FSTL5: variants seen among roughly 807,000 people sequenced by gnomAD.
FSTL5 encodes the protein follistatin like 5, also known as follistatin-related protein 5.
Under a neutral mutation model 89.1 loss-of-function variants are expected in FSTL5, and 62 were observed. The ratio of observed to expected loss-of-function variants is 0.70; its 90% CI spans 0.57 to 0.86. The LOEUF (loss-of-function observed/expected upper bound fraction) is 0.86. FSTL5 is among the 40% of genes least tolerant of loss of function. FSTL5 has a pLI of 0.00. For missense variants in FSTL5, 1,057 were observed against 1,001.6 expected, an observed-to-expected ratio of 1.06 and a Z score of -0.75; for synonymous variants, 383 against 346.2, an observed-to-expected ratio of 1.11 and a Z score of -1.18.
At chr4:162,137,133 T>C (rs1243403497) in intron 1 of FSTL5, among the ~76,000 whole-genome samples, 1 of 152,094 alleles carries the variant, frequency 6.6e-6, no homozygotes, top group Non-Finnish European at 1.5e-5. Context: ...CTACCTTGGC[T>C]ATAAATCAAT....
intron 6 of FSTL5, among the ~76,000 whole-genome samples, chr4:161,697,290 A>G (rs1005778183): frequency 1.3e-5 from 2 of 152,230 alleles, no homozygotes; most frequent in Admixed American, 1.3e-4. Context: ...GATCACTACA[A>G]TTGTTTAACT....
intron 15 of FSTL5, among the ~76,000 whole-genome samples, chr4:161,453,994 G>T (rs911642801): frequency 6.6e-6 from 1 of 152,088 alleles, no homozygotes; most frequent in Non-Finnish European, 1.5e-5. Context: ...TTGAAAATAT[G>T]CTTGGCTTTG....
At chr4:161,969,361 T>G (rs567997816) in intron 3 of FSTL5, among the ~76,000 whole-genome samples, 9 of 152,276 alleles carry the variant, frequency 5.9e-5, no homozygotes, top group East Asian at 1.9e-4. Context: ...TCAACATTTT[T>G]GGGAAACAAA....
At chr4:161,578,313 A>T (rs1733305110) in intron 8 of FSTL5, among the ~76,000 whole-genome samples, 1 of 152,112 alleles carries the variant, frequency 6.6e-6, no homozygotes, top group South Asian at 2.1e-4. Flanking sequence ...TCTAAAATAA[A>T]TTTAGGAAAA....
intron 7 of FSTL5, among the ~76,000 whole-genome samples, chr4:161,626,297 G>A (rs1278199979): frequency 2.6e-5 from 4 of 152,190 alleles, no homozygotes; most frequent in East Asian, 1.9e-4. Flanking sequence ...TAATGCACTC[G>A]GTGACTTTGA....
At chr4:161,799,945 C>G (rs570824992) in intron 4 of FSTL5, among the ~76,000 whole-genome samples, 1 of 151,686 alleles carries the variant, frequency 6.6e-6, no homozygotes, top group Non-Finnish European at 1.5e-5. Context: ...ACATAACATG[C>G]GGGGCATCTG....
At chr4:161,849,066 T>C (rs1423179486) in intron 4 of FSTL5, among the ~76,000 whole-genome samples, 1 of 152,154 alleles carries the variant, frequency 6.6e-6, no homozygotes, top group Non-Finnish European at 1.5e-5. Flanking sequence ...GTGCCAATCA[T>C]TTACTTTACT....
chr4:161,404,531 T>C (rs962715952), intron 15 of FSTL5, among the ~76,000 whole-genome samples: 1 of 152,166 alleles, frequency 6.6e-6, no homozygotes, highest in African/African-American at 2.4e-5. Flanking sequence ...ATAGGGCCAA[T>C]CCTGTGTTGG....
At chr4:161,600,655 T>C (rs1247319895) in intron 7 of FSTL5, among the ~76,000 whole-genome samples, 1 of 152,172 alleles carries the variant, frequency 6.6e-6, no homozygotes, top group African/African-American at 2.4e-5. Flanking sequence ...AAATCTCATT[T>C]AGATTTTAAA....
intron 6 of FSTL5, among the ~76,000 whole-genome samples, chr4:161,729,467 ACT>A (rs768976024): frequency 6.6e-6 from 1 of 151,836 alleles, no homozygotes; most frequent in Non-Finnish European, 1.5e-5. Flanking sequence ...CTTCTGAATG[ACT>A]CTGCCCTCAT....
intron 8 of FSTL5, among the ~76,000 whole-genome samples, chr4:161,550,131 C>A (rs372462389): frequency 1.3e-5 from 2 of 151,720 alleles, no homozygotes; most frequent in African/African-American, 4.8e-5. Flanking sequence ...GCCTAATAAC[C>A]CTTAGTGTCC....
intron 13 of FSTL5, among the ~76,000 whole-genome samples, chr4:161,469,795 G>A (rs917386773): frequency 2.0e-5 from 3 of 151,724 alleles, no homozygotes; most frequent in Non-Finnish European, 4.4e-5. Context: ...CCACCACCAC[G>A]CCCGGCTACT....
At chr4:161,397,884 T>C (rs909285469) in intron 15 of FSTL5, among the ~76,000 whole-genome samples, 1 of 151,970 alleles carries the variant, frequency 6.6e-6, no homozygotes, top group African/African-American at 2.4e-5. Flanking sequence ...GAGGAATTAA[T>C]GATCTATAAA....
chr4:161,421,561 C>T (rs59913975), intron 15 of FSTL5, among the ~76,000 whole-genome samples: 2 of 152,078 alleles, frequency 1.3e-5, no homozygotes, highest in Admixed American at 6.5e-5. Context: ...ACCTGTGATG[C>T]TTAATTTTAT....
rs968633682 is a variant in FSTL5, at chr4:161,655,762, C to T, written c.894+566G>A. Reference sequence around the variant, plus strand: ...ACATATATTTTTAGATGCACAGAAGCGTTCTGTAAGATAATAGGATATTTT... The same window carrying T: ...ACATATATTTTTAGATGCACAGAAGTGTTCTGTAAGATAATAGGATATTTT... On this transcript the variant is annotated intron_variant, in intron 7 of 15. Coordinates refer to ENST00000306100, the MANE Select transcript of FSTL5 (RefSeq NM_020116.5). Among the ~76,000 whole-genome samples, 11 of 152,074 alleles carry T rather than the reference C, an allele frequency of 7.2e-5. 1 individual carries two copies. Among genetic ancestry groups the T allele is most frequent in the South Asian group, 6.2e-4 (3 of 4,818 alleles).
At chr4:162,006,570 A>G (rs1736622621) in intron 3 of FSTL5, among the ~76,000 whole-genome samples, 1 of 152,000 alleles carries the variant, frequency 6.6e-6, no homozygotes, top group Non-Finnish European at 1.5e-5. Flanking sequence ...CTACACTGGA[A>G]TGAGTACTCA....
chr4:161,469,783 G>A (rs958756805), intron 13 of FSTL5, among the ~76,000 whole-genome samples: 5 of 151,690 alleles, frequency 3.3e-5, no homozygotes, highest in Admixed American at 1.3e-4. Context: ...GACTACAGGC[G>A]CCCACCACCA....
At chr4:162,059,759 T>C (rs1473226182) in intron 2 of FSTL5, among the ~76,000 whole-genome samples, 3 of 152,066 alleles carry the variant, frequency 2.0e-5, no homozygotes, top group Non-Finnish European at 2.9e-5. Context: ...ATGAAGGAGA[T>C]AGGGCAGGAT....
At chr4:162,081,233 A>G (rs1730085959) in intron 2 of FSTL5, among the ~76,000 whole-genome samples, 1 of 151,650 alleles carries the variant, frequency 6.6e-6, no homozygotes, top group Admixed American at 6.6e-5. Context: ...CAGTAGCACC[A>G]AAATGCTCTT....
Sources: gnomAD v4.1 joint callset for allele counts (sites outside exome capture counted in the v4.1 genomes callset) on GRCh38, gnomAD v4.1.1 for gene constraint, MANE v1.5 for transcripts, NCBI Gene and HGNC (gene_info 2026-07-23, HGNC 2026-07-21) for gene names.